Variants in DMD observed in about 807,000 individuals in gnomAD.
DMD encodes dystrophin, also known as mutant dystrophin.
In DMD, 63 loss-of-function variants were observed where a neutral mutation model predicts 330.1. The observed-to-expected ratio is 0.19, with a 90% confidence interval of 0.16 to 0.24. DMD has a LOEUF of 0.24. DMD is among the 10% of genes least tolerant of loss of function. DMD has a pLI of 1.00. For missense variants in DMD, 3,344 were observed against 2,684.1 expected (o/e 1.25, Z -5.43); for synonymous variants, 1,223 against 959.8 (o/e 1.27, Z -5.07).
chrX:32,745,920 G>C (rs775489676), intron 7 of DMD, among the ~76,000 whole-genome samples: 1 of 111,992 alleles, frequency 8.9e-6, no homozygotes, highest in African/African-American at 3.2e-5. Flanking sequence ...AAAAGACAGC[G>C]AACAGCTAGA....
intron 52 of DMD, among the ~76,000 whole-genome samples, chrX:31,721,084 C>A (rs1312017657): frequency 2.7e-5 from 3 of 111,265 alleles, no homozygotes; most frequent in African/African-American, 9.8e-5. Context: ...CTCTGAAATT[C>A]ATTAAGATAT....
chrX:32,728,396 A>T (rs781525769), intron 7 of DMD, among the ~76,000 whole-genome samples: 10 of 111,802 alleles, frequency 8.9e-5, no homozygotes, highest in Non-Finnish European at 1.7e-4. Context: ...CTATATTCAA[A>T]TGTCTTTTCA....
intron 43 of DMD, among the ~76,000 whole-genome samples, chrX:32,243,762 T>G (rs1001769705): frequency 5.4e-5 from 6 of 111,426 alleles, no homozygotes; most frequent in Non-Finnish European, 9.4e-5. Context: ...TAACAAGTAT[T>G]TCCAGCACAT....
chrX:31,911,053 G>A (rs1206060513), intron 47 of DMD, among the ~76,000 whole-genome samples: 1 of 111,841 alleles, frequency 8.9e-6, no homozygotes, highest in Non-Finnish European at 1.9e-5. Context: ...GTGAAAGGAT[G>A]GGGAAAAGGG....
At chrX:32,014,461 A>G (rs1399473526) in intron 44 of DMD, among the ~76,000 whole-genome samples, 1 of 111,593 alleles carries the variant, frequency 9.0e-6, no homozygotes, top group Admixed American at 9.6e-5. Context: ...TACGTGAGAC[A>G]AATATGAGCC....
At chrX:31,572,512 CAAGGTGGTATGCCAG>C (rs780485031) in intron 55 of DMD, among the ~76,000 whole-genome samples, 1 of 112,027 alleles carries the variant, frequency 8.9e-6, no homozygotes, top group East Asian at 2.8e-4. Context: ...TTTTTCTTGC[CAAGGTGGTATGCCAG>C]AAATGCTAGG....
chrX:32,831,773 T>C (rs1366669897), intron 4 of DMD, among the ~76,000 whole-genome samples: 5 of 109,919 alleles, frequency 4.5e-5, no homozygotes, highest in East Asian at 5.7e-4. Flanking sequence ...AATTTTTTCA[T>C]ACAATTTTAT....
intron 11 of DMD, among the ~76,000 whole-genome samples, chrX:32,628,592 T>C (rs775413529): frequency 1.8e-5 from 2 of 110,386 alleles, no homozygotes. Flanking sequence ...CTTTTCTAGC[T>C]CTTTAAGGTG....
chrX:31,620,712 G>A (rs927095142), intron 55 of DMD, among the ~76,000 whole-genome samples: 2 of 111,226 alleles, frequency 1.8e-5, no homozygotes, highest in African/African-American at 6.5e-5. Flanking sequence ...ACCACGCCTG[G>A]CCCATGATAT....
intron 47 of DMD, among the ~76,000 whole-genome samples, chrX:31,924,728 A>G (rs186905163): frequency 1.8e-5 from 2 of 112,057 alleles, no homozygotes; most frequent in East Asian, 5.6e-4. Context: ...CTTAACTAAA[A>G]TTCACTTTCC....
chrX:32,926,885 A>G (rs1197269438), intron 2 of DMD, among the ~76,000 whole-genome samples: 1 of 111,204 alleles, frequency 9.0e-6, no homozygotes, highest in South Asian at 3.8e-4. Context: ...AAGATAAACA[A>G]TTTTTTCTAT....
intron 60 of DMD, among the ~76,000 whole-genome samples, chrX:31,391,498 A>G (rs1246146807): frequency 8.9e-6 from 1 of 111,799 alleles, no homozygotes; most frequent in Non-Finnish European, 1.9e-5. Flanking sequence ...ACGTCCAAAA[A>G]TATTTCTTCC....
intron 55 of DMD, among the ~76,000 whole-genome samples, chrX:31,620,885 G>A: frequency 9.0e-6 from 1 of 111,664 alleles, no homozygotes; most frequent in Non-Finnish European, 1.9e-5. Context: ...ATATATTTCT[G>A]AGTGGACCAT....
intron 44 of DMD, among the ~76,000 whole-genome samples, chrX:32,032,768 G>T (rs1233861995): frequency 1.8e-5 from 2 of 112,130 alleles, no homozygotes; most frequent in Non-Finnish European, 3.8e-5. Context: ...CTGGCATTCA[G>T]AATCCCTCAA....
chrX:32,499,988 G>T (rs751772872), intron 19 of DMD, among the ~76,000 whole-genome samples: 2 of 110,896 alleles, frequency 1.8e-5, no homozygotes, highest in East Asian at 5.7e-4. Context: ...CAGAGCTATG[G>T]TCATTTTAAG....
rs2095192037 is a variant in DMD, at chrX:33,098,004, A to C, written c.32-77804T>G. Among the ~76,000 whole-genome samples the C allele has an allele frequency of 1.8e-5, 2 of 111,544 alleles. 1 individual carries two copies. Among genetic ancestry groups the C allele is most frequent in the Non-Finnish European group, 3.8e-5 (2 of 53,155 alleles). On this transcript the variant is annotated intron_variant, in intron 1 of 78. Transcript: ENST00000357033. The stretch of plus-strand genomic sequence containing the variant: ...TAGATACAGAACATTTCTATTGCAG[A>C]AAGTTCTATTAGCACTATCTGAGCA...
At chrX:32,931,957 A>G (rs1050879573) in intron 2 of DMD, among the ~76,000 whole-genome samples, 5 of 111,823 alleles carry the variant, frequency 4.5e-5, no homozygotes, top group Non-Finnish European at 7.5e-5. Flanking sequence ...GAAAGTCCCT[A>G]TTCAGAACCA....
intron 1 of DMD, among the ~76,000 whole-genome samples, chrX:33,152,059 T>C (rs2048303596): frequency 8.9e-6 from 1 of 112,069 alleles, no homozygotes; most frequent in African/African-American, 3.2e-5. Flanking sequence ...CTGTATGTTC[T>C]TTACATTTGT....
intron 74 of DMD, among the ~76,000 whole-genome samples, chrX:31,165,062 G>A (rs1326631575): frequency 1.8e-5 from 2 of 111,567 alleles, no homozygotes; most frequent in Non-Finnish European, 3.8e-5. Flanking sequence ...CCTAATGAAA[G>A]AACATTGAAT....
Sources: gnomAD v4.1 joint callset for allele counts (sites outside exome capture counted in the v4.1 genomes callset) on GRCh38, gnomAD v4.1.1 for gene constraint, MANE v1.5 for transcripts, NCBI Gene and HGNC (gene_info 2026-07-23, HGNC 2026-07-21) for gene names.